WASF3: variants seen among roughly 807,000 people sequenced by gnomAD.
The protein encoded by WASF3 is WASP family member 3.
WASF3 carries 11 observed loss-of-function variants against 46.6 expected under a neutral mutation model. The ratio of observed to expected loss-of-function variants is 0.24; its 90% CI spans 0.15 to 0.39. The LOEUF (loss-of-function observed/expected upper bound fraction) is 0.39. WASF3 is among the 10% of genes least tolerant of loss of function. The probability of loss-of-function intolerance (pLI) is 1.00; values close to 1 mark genes in which losing one functional copy is unlikely to be tolerated. For missense variants in WASF3, 576 were observed against 669.8 expected, an observed-to-expected ratio of 0.86 and a Z score of 1.55; for synonymous variants, 242 against 259.7, an observed-to-expected ratio of 0.93 and a Z score of 0.65.
Position 26,584,277 on chromosome 13 carries a change from C to T in WASF3, c.-109+26458C>T, listed in dbSNP as rs181084000. ...TTCTGCTGGAACAGAGATGAACCAT[C>T]TCAAGGTTATGAAAATTCCTGACTG... is the stretch of plus-strand genomic sequence containing the variant. On this transcript the variant is annotated intron_variant, in intron 1 of 9. Transcript: ENST00000335327. Among the ~76,000 whole-genome samples, 130 of 152,288 alleles carry T rather than the reference C, an allele frequency of 8.5e-4. 1 individual carries two copies. Among genetic ancestry groups the T allele is most frequent in the African/African-American group, 3.0e-3 (126 of 41,576 alleles).
At chr13:26,651,201 A>G (rs1882306263) in intron 3 of WASF3, among the ~76,000 whole-genome samples, 1 of 152,186 alleles carries the variant, frequency 6.6e-6, no homozygotes, top group African/African-American at 2.4e-5. Context: ...GCATGCCTGT[A>G]GTCTCAGCTA....
At chr13:26,554,748 A>G (rs138928775), upstream of WASF3, among the ~76,000 whole-genome samples, 3 of 152,322 alleles carry the variant, frequency 2.0e-5, no homozygotes, top group Non-Finnish European at 2.9e-5. Flanking sequence ...TCATGAAATA[A>G]CATTCAATTG....
intron 1 of WASF3, among the ~76,000 whole-genome samples, chr13:26,578,993 C>CTTTTTTTTTATTTTTTTTTTTTTTTTTT (rs1879887976): frequency 1.6e-5 from 1 of 60,638 alleles, no homozygotes; most frequent in Middle Eastern, 0.016. Flanking sequence ...GATACATTTC[C>CTTTTTTTTTATTTTTTTTTTTTTTTTTT]TTTTTTTTTT....
chr13:26,555,795 T>A (rs935974208), upstream of WASF3, among the ~76,000 whole-genome samples: 2 of 152,214 alleles, frequency 1.3e-5, no homozygotes, highest in Admixed American at 1.3e-4. Flanking sequence ...TAAGAAGCAC[T>A]CCTATTTAGT....
rs192058937 is a variant in WASF3 at position 26,591,597 on chromosome 13, T to A, written c.-108-21364T>A. ...ACGAGCTCTAGATTGCTGGGGAACG[T>A]CAGGAGTTCAATTTTGGGCATGTTA... On this transcript the variant is annotated intron_variant, in intron 1 of 9. Transcript: ENST00000335327. Among the ~76,000 whole-genome samples the A allele has an allele frequency of 1.2e-3, 176 of 152,160 alleles. 1 individual carries two copies. Among genetic ancestry groups the A allele is most frequent in the Non-Finnish European group, 1.4e-3 (93 of 68,004 alleles).
At chr13:26,643,161 A>G (rs1882050624) in intron 3 of WASF3, among the ~76,000 whole-genome samples, 1 of 152,072 alleles carries the variant, frequency 6.6e-6, no homozygotes, top group African/African-American at 2.4e-5. Context: ...TTTTCCCCCA[A>G]ACTTTTACAT....
At chr13:26,617,457 T>C (rs2137233952) in intron 2 of WASF3, among the ~76,000 whole-genome samples, 1 of 152,290 alleles carries the variant, frequency 6.6e-6, no homozygotes, top group Middle Eastern at 3.4e-3. Context: ...TGAATATTTA[T>C]CTTACAAAAC....
At chr13:26,543,982 C>T in the WASF3 span, among the ~76,000 whole-genome samples, 2 of 152,112 alleles carry the variant, frequency 1.3e-5, no homozygotes, top group Admixed American at 1.3e-4. Context: ...AATAATGACT[C>T]TAGATCTGGG....
At chr13:26,569,314 T>G (rs777136989) in intron 1 of WASF3, among the ~76,000 whole-genome samples, 14 of 152,212 alleles carry the variant, frequency 9.2e-5, no homozygotes, top group Non-Finnish European at 1.6e-4. Context: ...TCTTTGTAAG[T>G]AGACTGGACA....
chr13:26,652,991 A>G (rs543177651), intron 3 of WASF3, among the ~76,000 whole-genome samples: 17 of 152,300 alleles, frequency 1.1e-4, no homozygotes, highest in African/African-American at 4.1e-4. Flanking sequence ...CCTATTTCAT[A>G]TCTTTCCACC....
At position 26,687,230 on chromosome 13, in the gene WASF3, C is replaced by T. The variant is rs1883434786; in HGVS notation, c.*1385C>T. ...TTATAGATACGACTTCAAAAATATG[C>T]TAAGACGCTTGACTTATTAAGGACT... On this transcript the variant is annotated 3_prime_UTR_variant, in exon 10 of 10. Transcript: ENST00000335327. 1 of 152,216 alleles carries T rather than the reference C, an allele frequency of 6.6e-6. No homozygotes were observed. The highest frequency in any genetic ancestry group is 1.5e-5 in the Non-Finnish European group (1 of 68,038). 9.4% of individuals were successfully genotyped at this position (152,216 alleles called of 1,614,324 possible). A position where few individuals can be genotyped will look rare whatever the true frequency, so the allele number is the denominator to read the frequency against.
At chr13:26,642,616 C>A (rs1252537477) in intron 3 of WASF3, among the ~76,000 whole-genome samples, 1 of 152,188 alleles carries the variant, frequency 6.6e-6, no homozygotes, top group African/African-American at 2.4e-5. Context: ...CTTACCAACT[C>A]ACAAATTATT....
intron 1 of WASF3, among the ~76,000 whole-genome samples, chr13:26,589,961 A>G (rs538255945): frequency 1.3e-5 from 2 of 152,350 alleles, no homozygotes; most frequent in South Asian, 4.1e-4. Flanking sequence ...AGCTCAGTGT[A>G]CAGGAAGGAA....
intron 2 of WASF3, among the ~76,000 whole-genome samples, chr13:26,629,872 G>A (rs948801961): frequency 6.6e-6 from 1 of 152,120 alleles, no homozygotes; most frequent in African/African-American, 2.4e-5. Flanking sequence ...CCAGGTCTTG[G>A]TAATATAGTA....
rs1882707761 is a variant in WASF3, at chr13:26,664,186, G to T, written c.134-842G>T. Among the ~76,000 whole-genome samples, 3 of 152,300 alleles carry T rather than the reference G, an allele frequency of 2.0e-5. No individual in the cohort carries two copies. In the South Asian group the frequency reaches 6.2e-4, roughly 32 times the overall value. On this transcript the variant is annotated intron_variant, in intron 3 of 9. Coordinates refer to ENST00000335327, the MANE Select transcript of WASF3 (RefSeq NM_006646.6). ...TCTAATGAAGTTTTCTTCCTGGGAG[G>T]TTCAGGTTCTCTCTCTCATTTGAGT...
At chr13:26,653,744 A>G (rs2454917) in intron 3 of WASF3, among the ~76,000 whole-genome samples, 40,292 of 152,068 alleles carry the variant, frequency 0.26, 5,960 homozygotes, top group East Asian at 0.57. Flanking sequence ...GCTCAAAGTA[A>G]CATCTTTATG....
the WASF3 span, among the ~76,000 whole-genome samples, chr13:26,550,784 G>A: frequency 6.6e-6 from 1 of 152,176 alleles, no homozygotes; most frequent in Non-Finnish European, 1.5e-5. Context: ...GTGTCTATTG[G>A]ATGAGAGCCA....
At chr13:26,623,553 A>G (rs1334712817) in intron 2 of WASF3, among the ~76,000 whole-genome samples, 3 of 152,226 alleles carry the variant, frequency 2.0e-5, no homozygotes, top group African/African-American at 7.2e-5. Flanking sequence ...TCACTGATGC[A>G]AAGCAAAGTT....
At chr13:26,551,837 G>A in the WASF3 span, among the ~76,000 whole-genome samples, 1 of 152,200 alleles carries the variant, frequency 6.6e-6, no homozygotes, top group African/African-American at 2.4e-5. Context: ...GACAGTGGGA[G>A]ACTCTGACGG....
Sources: allele counts gnomAD v4.1 joint callset (sites outside exome capture counted in the v4.1 genomes callset), GRCh38; gene constraint gnomAD v4.1.1; transcripts MANE v1.5; gene names NCBI Gene and HGNC (gene_info 2026-07-23, HGNC 2026-07-21).